Variants in MGAT4C observed in about 807,000 individuals in gnomAD.
MGAT4C encodes alpha-1,3-mannosyl-glycoprotein 4-beta-N-acetylglucosaminyltransferase C.
In MGAT4C, 19 loss-of-function variants were observed where a neutral mutation model predicts 40.1. The observed-to-expected ratio is 0.47, with a 90% CI of 0.33 to 0.70. MGAT4C has a LOEUF of 0.70. Among genes scored for constraint, MGAT4C ranks in the 30% least tolerant of loss-of-function variants. MGAT4C has a pLI of 0.02. For missense variants in MGAT4C, 491 were observed against 563.2 expected (o/e 0.87, Z 1.30); for synonymous variants, 181 against 187.1 (o/e 0.97, Z 0.27).
intron 2 of MGAT4C, among the ~76,000 whole-genome samples, chr12:86,608,670 A>G (rs1412362512): frequency 6.6e-6 from 1 of 152,104 alleles, no homozygotes; most frequent in Admixed American, 6.6e-5. Context: ...ACTTATTTTC[A>G]TAAAATGTAC....
chr12:86,486,531 T>C (rs1181543453), intron 2 of MGAT4C, among the ~76,000 whole-genome samples: 1 of 152,028 alleles, frequency 6.6e-6, no homozygotes, highest in Non-Finnish European at 1.5e-5. Flanking sequence ...GACTTAACTA[T>C]CCTAAATATA....
intron 4 of MGAT4C, among the ~76,000 whole-genome samples, chr12:86,295,164 G>A (rs1953631249): frequency 6.6e-6 from 1 of 151,998 alleles, no homozygotes; most frequent in South Asian, 2.1e-4. Context: ...CTGAAAAATA[G>A]CCATAAACAA....
intron 3 of MGAT4C, among the ~76,000 whole-genome samples, chr12:86,363,527 G>A (rs7134045): frequency 0.83 from 125,360 of 151,828 alleles, 51,951 homozygotes; most frequent in East Asian, 0.95. Context: ...TCTCAAATCA[G>A]TAACTTAAGC....
chr12:86,219,770 T>C (rs1346000817), intron 1 of MGAT4C, among the ~76,000 whole-genome samples: 1 of 152,190 alleles, frequency 6.6e-6, no homozygotes, highest in Non-Finnish European at 1.5e-5. Context: ...TCAGATTCAC[T>C]CCTGCCGGAA....
chr12:86,043,022 G>A (rs557037011), intron 2 of MGAT4C, among the ~76,000 whole-genome samples: 23 of 152,042 alleles, frequency 1.5e-4, no homozygotes, highest in African/African-American at 4.6e-4. Context: ...CTTTCATTTC[G>A]ATCTTAGAGA....
rs1891164740 is a variant in MGAT4C, at chr12:86,035,685, T to C, written c.-7+13989A>G. Among the ~76,000 whole-genome samples the C allele has an allele frequency of 1.3e-5, 2 of 150,032 alleles. 1 individual carries two copies. The highest frequency in any genetic ancestry group is 3.0e-5 in the Non-Finnish European group (2 of 66,894). ...GTCCTGAATGGTATTGCCTAGGTTG[T>C]CTTCTAGGGTTTTTATTGTTTTAAG... is the stretch of plus-strand genomic sequence containing the variant. On this transcript the variant is annotated intron_variant, in intron 2 of 4. Coordinates refer to ENST00000611864, the MANE Select transcript of MGAT4C (RefSeq NM_001351288.2).
At chr12:86,738,736 A>G (rs1951021138) in intron 1 of MGAT4C, among the ~76,000 whole-genome samples, 1 of 151,310 alleles carries the variant, frequency 6.6e-6, no homozygotes, top group African/African-American at 2.4e-5. Flanking sequence ...ACATATGTCT[A>G]TGCATTTCAA....
intron 2 of MGAT4C, among the ~76,000 whole-genome samples, chr12:86,539,221 G>C (rs1375919015): frequency 1.4e-5 from 2 of 138,464 alleles, no homozygotes; most frequent in African/African-American, 5.5e-5. Flanking sequence ...TCCCCTTCCC[G>C]TGTCCAAGTG....
intron 1 of MGAT4C, among the ~76,000 whole-genome samples, chr12:86,172,898 A>G (rs919203621): frequency 4.6e-5 from 7 of 152,136 alleles, no homozygotes; most frequent in Admixed American, 3.9e-4. Context: ...TAACTTTATT[A>G]AAGTTATTAG....
chr12:86,437,993 G>C (rs570076503), intron 2 of MGAT4C, among the ~76,000 whole-genome samples: 15 of 151,990 alleles, frequency 9.9e-5, no homozygotes, highest in African/African-American at 3.6e-4. Flanking sequence ...CAAGTGAAAG[G>C]AAGAGTCATG....
intron 4 of MGAT4C, among the ~76,000 whole-genome samples, chr12:86,273,095 T>C (rs1566249576): frequency 6.6e-6 from 1 of 151,812 alleles, no homozygotes; most frequent in South Asian, 2.1e-4. Context: ...GATAGCATGT[T>C]AGCAAGCAGG....
intron 2 of MGAT4C, among the ~76,000 whole-genome samples, chr12:86,555,304 G>A (rs1211838966): frequency 1.3e-5 from 2 of 152,122 alleles, no homozygotes; most frequent in Admixed American, 6.5e-5. Flanking sequence ...AAATGATACT[G>A]TATTAATTTT....
intron 4 of MGAT4C, among the ~76,000 whole-genome samples, chr12:86,311,090 TA>T (rs1954062225): frequency 6.6e-6 from 1 of 152,240 alleles, no homozygotes; most frequent in Non-Finnish European, 1.5e-5. Flanking sequence ...CTCCATTAGT[TA>T]CAGTCATGCA....
At chr12:86,185,362 G>A (rs572331467) in intron 1 of MGAT4C, among the ~76,000 whole-genome samples, 1 of 152,228 alleles carries the variant, frequency 6.6e-6, no homozygotes, top group Non-Finnish European at 1.5e-5. Flanking sequence ...CTGATACATT[G>A]TAGGCAATTC....
At chr12:86,402,947 T>C (rs141682714) in intron 3 of MGAT4C, among the ~76,000 whole-genome samples, 3 of 152,316 alleles carry the variant, frequency 2.0e-5, no homozygotes, top group African/African-American at 7.2e-5. Flanking sequence ...TATAATCTTA[T>C]TTTATAGTCT....
At chr12:86,388,675 G>GTTTTTTTTTTTTTTTTTTTT (rs752469980) in intron 3 of MGAT4C, among the ~76,000 whole-genome samples, 1 of 98,752 alleles carries the variant, frequency 1.0e-5, no homozygotes, top group African/African-American at 4.8e-5. Context: ...AGCGTTTTTT[G>GTTTTTTTTTTTTTTTTTTTT]TTTTTTTTTT....
At chr12:86,297,591 G>A (rs1197469221) in intron 4 of MGAT4C, among the ~76,000 whole-genome samples, 1 of 152,172 alleles carries the variant, frequency 6.6e-6, no homozygotes, top group Non-Finnish European at 1.5e-5. Context: ...TGCTATGAAT[G>A]TGTGAGAGAC....
At chr12:86,467,800 G>C (rs1180016771) in intron 2 of MGAT4C, among the ~76,000 whole-genome samples, 1 of 151,978 alleles carries the variant, frequency 6.6e-6, no homozygotes, top group East Asian at 1.9e-4. Flanking sequence ...CAGGATTCTT[G>C]AGATAAAGGG....
At position 86,621,635 on chromosome 12, in the gene MGAT4C, T is replaced by C. The variant is rs537666722; in HGVS notation, c.-229+105574A>G. 6.6e-5 allele frequency among the ~76,000 whole-genome samples: 10 copies of C among 152,172 alleles called. No individual in the cohort carries two copies. The South Asian group carries it at 1.2e-3, about 19-fold the overall frequency. ...CTGGGACTACAGGTGCACACCACCA[T>C]GGCTGGCTAATTTTTTATAGTTTTG... On this transcript the variant is annotated intron_variant, in intron 2 of 7. Transcript: ENST00000548651.
Sources: gnomAD v4.1 joint callset for allele counts (sites outside exome capture counted in the v4.1 genomes callset) on GRCh38, gnomAD v4.1.1 for gene constraint, MANE v1.5 for transcripts, NCBI Gene and HGNC (gene_info 2026-07-23, HGNC 2026-07-21) for gene names.